The following AHCYL2 variants were observed in gnomAD, a reference collection of about 807,000 sequenced individuals.
AHCYL2 encodes adenosylhomocysteinase like 2.
In AHCYL2, 28 loss-of-function variants were observed where a neutral mutation model predicts 81.4. The ratio of observed to expected loss-of-function variants is 0.34; its 90% CI spans 0.25 to 0.47. AHCYL2 has a LOEUF of 0.47. AHCYL2 is among the 20% of genes least tolerant of loss of function. The pLI is 1.00. For synonymous variants in AHCYL2, 272 were observed against 290.2 expected, an observed-to-expected ratio of 0.94 and a Z score of 0.64; for missense variants, 551 against 785.1, an observed-to-expected ratio of 0.70 and a Z score of 3.56.
intron 1 of AHCYL2, among the ~76,000 whole-genome samples, chr7:129,260,019 TGAGCC>T: frequency 6.7e-6 from 1 of 148,642 alleles, no homozygotes; most frequent in South Asian, 2.1e-4. Context: ...AAGGTTGCAG[TGAGCC>T]GAGATCATGC....
At chr7:129,312,116 G>C (rs1386118874) in intron 1 of AHCYL2, among the ~76,000 whole-genome samples, 1 of 152,068 alleles carries the variant, frequency 6.6e-6, no homozygotes, top group Non-Finnish European at 1.5e-5. Flanking sequence ...AGCCTCCTGA[G>C]TAGCTGGGAC....
At chr7:129,384,139 A>G (rs1358656082) in intron 2 of AHCYL2, among the ~76,000 whole-genome samples, 2 of 151,922 alleles carry the variant, frequency 1.3e-5, no homozygotes, top group Non-Finnish European at 2.9e-5. Flanking sequence ...TAATTCATTA[A>G]AAGTAAATAT....
chr7:129,384,131 A>G (rs143278618), intron 2 of AHCYL2, among the ~76,000 whole-genome samples: 103 of 152,072 alleles, frequency 6.8e-4, no homozygotes, highest in African/African-American at 2.2e-3. Context: ...TTAAAAATTA[A>G]TTCATTAAAA....
At chr7:129,363,813 C>T (rs1340284712) in intron 1 of AHCYL2, among the ~76,000 whole-genome samples, 1 of 151,854 alleles carries the variant, frequency 6.6e-6, no homozygotes, top group Non-Finnish European at 1.5e-5. Flanking sequence ...GCTGGGATTA[C>T]AGGCATGAGC....
intron 1 of AHCYL2, among the ~76,000 whole-genome samples, chr7:129,337,162 CT>C (rs1427343813): frequency 6.6e-6 from 1 of 152,168 alleles, no homozygotes; most frequent in African/African-American, 2.4e-5. Flanking sequence ...CTCTTCTCCC[CT>C]ACTTGCCCAG....
chr7:129,410,015 T>C (rs1392551984), intron 11 of AHCYL2: 1 of 721,822 alleles, frequency 1.4e-6, no homozygotes, highest in African/African-American at 1.8e-5. Flanking sequence ...GGAGGTACAT[T>C]CTGCTTGACT....
intron 1 of AHCYL2, among the ~76,000 whole-genome samples, chr7:129,353,082 A>G (rs957289277): frequency 6.6e-6 from 1 of 151,148 alleles, no homozygotes; most frequent in African/African-American, 2.4e-5. Context: ...AGTAGCTGGG[A>G]TTACAGATGG....
intron 1 of AHCYL2, among the ~76,000 whole-genome samples, chr7:129,244,212 C>T (rs1563164335): frequency 1.3e-5 from 2 of 151,038 alleles, no homozygotes; most frequent in Non-Finnish European, 2.9e-5. Context: ...CTATGTTGCC[C>T]AGGATGGTGT....
chr7:129,230,033 A>G (rs932749729), intron 1 of AHCYL2, among the ~76,000 whole-genome samples: 1 of 151,260 alleles, frequency 6.6e-6, no homozygotes, highest in Non-Finnish European at 1.5e-5. Context: ...CCTACTGTAT[A>G]CCAGGCATTG....
At chr7:129,400,485 A>G in intron 6 of AHCYL2, 101 bp downstream of exon 6, 1 of 1,096,620 alleles carries the variant, frequency 9.1e-7, no homozygotes, top group Non-Finnish European at 1.3e-6. Flanking sequence ...AGGAAGGAAA[A>G]TGGCTTCATT....
intron 1 of AHCYL2, among the ~76,000 whole-genome samples, chr7:129,339,941 C>A (rs201220790): frequency 2.1e-5 from 2 of 96,840 alleles, no homozygotes; most frequent in Admixed American, 1.6e-4. Context: ...TTTTTTGAGA[C>A]GGAGTCTCGC....
chr7:129,237,005 C>A (rs933828858), intron 1 of AHCYL2, among the ~76,000 whole-genome samples: 1 of 151,442 alleles, frequency 6.6e-6, no homozygotes, highest in Non-Finnish European at 1.5e-5. Context: ...TTTAGGAATT[C>A]TTTATATATT....
intron 11 of AHCYL2, among the ~76,000 whole-genome samples, chr7:129,412,631 C>T (rs751045676): frequency 6.6e-6 from 1 of 152,118 alleles, no homozygotes; most frequent in African/African-American, 2.4e-5. Context: ...AATCCATCAA[C>T]AATACATGTG....
At chr7:129,259,426 G>A (rs928576160) in intron 1 of AHCYL2, among the ~76,000 whole-genome samples, 1 of 152,138 alleles carries the variant, frequency 6.6e-6, no homozygotes, top group African/African-American at 2.4e-5. Context: ...AAGATTGTAA[G>A]TTTTAGAGTA....
chr7:129,426,609 G>T lies in AHCYL2; in HGVS notation c.1829+46G>T. The T allele has an allele frequency of 6.3e-7, 1 of 1,593,542 alleles. No individual in the cohort carries two copies. Among genetic ancestry groups the T allele is most frequent in the Non-Finnish European group, 8.5e-7 (1 of 1,171,442 alleles). On this transcript the variant is annotated intron_variant, in intron 16 of 16. Coordinates refer to ENST00000325006, the MANE Select transcript of AHCYL2 (RefSeq NM_015328.4). This position sits in a 1 kb window ranked among gnomAD's most constrained non-coding sequence, Gnocchi z 4.3. ...ATCAGGGACACCTGGGCAGTGATGA[G>T]CTTCCTGCACTGGAATTGGTCTTTG... is the stretch of plus-strand genomic sequence containing the variant.
chr7:129,285,492 C>T (rs540031177), intron 1 of AHCYL2, among the ~76,000 whole-genome samples: 78 of 151,842 alleles, frequency 5.1e-4, no homozygotes, highest in Non-Finnish European at 8.5e-4. Context: ...TGTCAGGGAA[C>T]CAGGATTGAG....
chr7:129,357,972 T>C (rs1251878711), intron 1 of AHCYL2, among the ~76,000 whole-genome samples: 1 of 150,286 alleles, frequency 6.7e-6, no homozygotes, highest in Non-Finnish European at 1.5e-5. Context: ...CAAATAGATA[T>C]TTGCACATCA....
chr7:129,250,709 TA>T (rs1795219215), intron 1 of AHCYL2, among the ~76,000 whole-genome samples: 1 of 152,170 alleles, frequency 6.6e-6, no homozygotes, highest in Non-Finnish European at 1.5e-5. Flanking sequence ...TATAATGTCT[TA>T]GTTTTGGCTG....
In AHCYL2 at chr7:129,387,352, G is replaced by A. The variant is rs567792584; in HGVS notation, c.476-1704G>A. On this transcript the variant is annotated intron_variant, in intron 2 of 16. Transcript: ENST00000325006. ...CCTGAGTGTGTGAATGACTGAATACGTGAATAAATTAACAACTCTTTCAAA... is the reference window on the plus strand; with the variant it reads ...CCTGAGTGTGTGAATGACTGAATACATGAATAAATTAACAACTCTTTCAAA... Among the ~76,000 whole-genome samples, 19 of 152,290 alleles carry A rather than the reference G, an allele frequency of 1.2e-4. No individual in the cohort carries two copies. The South Asian group carries it at 1.7e-3, about 13-fold the overall frequency.
Sources: gnomAD v4.1 joint callset for allele counts (sites outside exome capture counted in the v4.1 genomes callset) on GRCh38, gnomAD v4.1.1 for gene constraint, Gnocchi (gnomAD v3.1) non-coding constraint, MANE v1.5 for transcripts, NCBI Gene and HGNC (gene_info 2026-07-23, HGNC 2026-07-21) for gene names.